Variants in FCHSD2 observed in about 807,000 individuals in gnomAD.
FCHSD2 encodes FCH and double SH3 domains 2.
In FCHSD2, 38 loss-of-function variants were observed where a neutral mutation model predicts 108.1. That is an observed-to-expected ratio of 0.35 (90% CI 0.27 to 0.46). The LOEUF is 0.46. FCHSD2 is among the 20% of genes least tolerant of loss of function. The probability of loss-of-function intolerance (pLI) is 1.00; values close to 1 mark genes in which losing one functional copy is unlikely to be tolerated. For synonymous variants in FCHSD2, 279 were observed against 314.7 expected (o/e 0.89, Z 1.20); for missense variants, 751 against 897.8 (o/e 0.84, Z 2.09).
At chr11:73,099,329 A>C (rs1302068079) in intron 2 of FCHSD2, among the ~76,000 whole-genome samples, 1 of 152,370 alleles carries the variant, frequency 6.6e-6, no homozygotes, top group Admixed American at 6.5e-5. Context: ...TGAAGAAATT[A>C]GAACCCTCAT....
intron 13 of FCHSD2, among the ~76,000 whole-genome samples, chr11:72,866,639 T>C (rs910427090): frequency 1.3e-5 from 2 of 152,198 alleles, no homozygotes; most frequent in Non-Finnish European, 2.9e-5. Flanking sequence ...TGATGTTTCT[T>C]TTTCCCTCTA....
chr11:73,079,809 C>G (rs915389034), intron 3 of FCHSD2, among the ~76,000 whole-genome samples: 1 of 152,022 alleles, frequency 6.6e-6, no homozygotes, highest in Non-Finnish European at 1.5e-5. Context: ...GTAACAGAAA[C>G]AGGCAGTAAA....
chr11:73,039,812 AAAAC>A (rs1858590408), intron 3 of FCHSD2, among the ~76,000 whole-genome samples: 1 of 152,234 alleles, frequency 6.6e-6, no homozygotes, highest in Non-Finnish European at 1.5e-5. Context: ...CCACATAAGT[AAAAC>A]AGACTGCTAG....
At chr11:72,999,630 T>A (rs1293112638) in intron 5 of FCHSD2, among the ~76,000 whole-genome samples, 3 of 152,114 alleles carry the variant, frequency 2.0e-5, no homozygotes, top group African/African-American at 7.2e-5. Context: ...TTATCAAACA[T>A]TCTTTGCCCA....
At chr11:73,033,754 T>C (rs1858421623) in intron 3 of FCHSD2, among the ~76,000 whole-genome samples, 1 of 152,240 alleles carries the variant, frequency 6.6e-6, no homozygotes, top group Non-Finnish European at 1.5e-5. Flanking sequence ...TTGAGTACTG[T>C]ACTGCCTTTG....
At chr11:72,991,831 C>T (rs1170932514) in intron 5 of FCHSD2, among the ~76,000 whole-genome samples, 1 of 152,108 alleles carries the variant, frequency 6.6e-6, no homozygotes, top group East Asian at 1.9e-4. Flanking sequence ...CCTGGAAGCA[C>T]TCCCTTTGAA....
chr11:73,065,500 T>C (rs552328278), intron 3 of FCHSD2, among the ~76,000 whole-genome samples: 180 of 152,310 alleles, frequency 1.2e-3, no homozygotes, highest in Non-Finnish European at 1.9e-3. Context: ...TTGGAAGTTC[T>C]GGCCAGAGCA....
intron 8 of FCHSD2, among the ~76,000 whole-genome samples, chr11:72,933,075 C>A (rs150761733): frequency 2.6e-5 from 4 of 152,182 alleles, no homozygotes; most frequent in Non-Finnish European, 5.9e-5. Flanking sequence ...ATATATATAA[C>A]CTTGCATGCC....
chr11:72,867,459 A>AT (rs1161799509), intron 13 of FCHSD2, among the ~76,000 whole-genome samples: 1 of 152,222 alleles, frequency 6.6e-6, no homozygotes, highest in African/African-American at 2.4e-5. Context: ...TAAGAAGAAC[A>AT]TTCCTTTCAC....
intron 9 of FCHSD2, among the ~76,000 whole-genome samples, chr11:72,916,336 G>A (rs2135302722): frequency 6.9e-6 from 1 of 144,102 alleles, no homozygotes; most frequent in South Asian, 2.2e-4. Context: ...AAGAGACAGG[G>A]TCTTGCTCTG....
intron 3 of FCHSD2, among the ~76,000 whole-genome samples, chr11:73,017,797 C>G (rs996958022): frequency 6.6e-6 from 1 of 152,154 alleles, no homozygotes; most frequent in African/African-American, 2.4e-5. Flanking sequence ...CCCTTTTAAT[C>G]TGATACTTAA....
At chr11:73,023,139 A>G (rs1321468931) in intron 3 of FCHSD2, among the ~76,000 whole-genome samples, 4 of 152,184 alleles carry the variant, frequency 2.6e-5, no homozygotes, top group South Asian at 2.1e-4. Flanking sequence ...CCTTTGGTGA[A>G]AAGTTTTAAC....
chr11:72,886,703 C>T (rs1855206246), intron 12 of FCHSD2, among the ~76,000 whole-genome samples: 1 of 152,136 alleles, frequency 6.6e-6, no homozygotes, highest in Admixed American at 6.5e-5. Context: ...TACTTACTTT[C>T]TACCACATTT....
At chr11:72,977,249 GA>G (rs1166842018) in intron 8 of FCHSD2, among the ~76,000 whole-genome samples, 2 of 152,108 alleles carry the variant, frequency 1.3e-5, no homozygotes, top group African/African-American at 4.8e-5. Context: ...AGCATTGGGG[GA>G]AATTCTCTAA....
chr11:72,944,710 T>A (rs1856485393), intron 8 of FCHSD2, among the ~76,000 whole-genome samples: 1 of 152,130 alleles, frequency 6.6e-6, no homozygotes, highest in Admixed American at 6.5e-5. Context: ...AGTCTCAGGA[T>A]ACAAAATCGA....
intron 3 of FCHSD2, among the ~76,000 whole-genome samples, chr11:73,076,893 G>A (rs1398108650): frequency 6.6e-6 from 1 of 151,904 alleles, no homozygotes; most frequent in Non-Finnish European, 1.5e-5. Context: ...GGTGGATCAC[G>A]AGGTCAGGAG....
chr11:73,066,074 T>C (rs1591526554), intron 3 of FCHSD2, among the ~76,000 whole-genome samples: 1 of 152,280 alleles, frequency 6.6e-6, no homozygotes, highest in Non-Finnish European at 1.5e-5. Context: ...AGAACAAAGC[T>C]GGAGGCATCA....
intron 9 of FCHSD2, among the ~76,000 whole-genome samples, chr11:72,916,968 CTTTTTTTTTTTTTTTTTTTTTTTT>C (rs71062793): frequency 2.0e-4 from 24 of 118,800 alleles, no homozygotes; most frequent in African/African-American, 7.8e-4. Context: ...GAACTTCATT[CTTTTTTTTTTTTTTTTTTTTTTTT>C]TTTTTTTTTT....
intron 3 of FCHSD2, among the ~76,000 whole-genome samples, chr11:73,058,046 A>AT (rs1024496890): frequency 6.6e-6 from 1 of 151,734 alleles, no homozygotes; most frequent in African/African-American, 2.4e-5. Context: ...CGCCTGGCTA[A>AT]TTTTTTGTAT....
Sources: allele counts gnomAD v4.1 joint callset (sites outside exome capture counted in the v4.1 genomes callset), GRCh38; gene constraint gnomAD v4.1.1; transcripts MANE v1.5; gene names NCBI Gene and HGNC (gene_info 2026-07-23, HGNC 2026-07-21).